The following ZFHX3 variants were observed in gnomAD, a reference collection of about 807,000 sequenced individuals.
ZFHX3 encodes the protein zinc finger homeobox 3.
A neutral mutation model predicts 279.1 loss-of-function variants in ZFHX3; 42 were observed. The observed-to-expected ratio is 0.15, with a 90% CI of 0.12 to 0.19. The LOEUF is 0.19. Among genes scored for constraint, ZFHX3 ranks in the 10% least tolerant of loss-of-function variants. The pLI is 1.00. For synonymous variants in ZFHX3, 2,293 were observed against 1,957.8 expected, an observed-to-expected ratio of 1.17 and a Z score of -4.52; for missense variants, 4,981 against 4,754.0, an observed-to-expected ratio of 1.05 and a Z score of -1.40.
rs1413516255 is a variant in ZFHX3 at position 72,786,724 on chromosome 16, A to AGAT, written c.*437_*439dup. 6.6e-6 allele frequency: 1 copy of AGAT among 152,588 alleles called. No homozygotes were observed. Among genetic ancestry groups the AGAT allele is most frequent in the Non-Finnish European group, 1.5e-5 (1 of 68,058 alleles). 9.5% of individuals were successfully genotyped at this position (152,588 alleles called of 1,614,324 possible). A position where few individuals can be genotyped will look rare whatever the true frequency, so the allele number is the denominator to read the frequency against. On this transcript the variant is annotated 3_prime_UTR_variant, in exon 10 of 10. Coordinates refer to ENST00000268489, the MANE Select transcript of ZFHX3 (RefSeq NM_006885.4). ...GCAAGCCATTGGTATCTGAATGCTA[A>AGAT]GATAGCAAGAAATTTAAAACTGTAA...
At position 72,955,932 on chromosome 16, in the gene ZFHX3, A is replaced by C. The variant is rs115225858; in HGVS notation, c.2719+1495T>G. ...TTCTAATTCCTACTGGCTTAAAGAAAACCTTAGAGTACTCACTCCCATCTC... is the reference window on the plus strand; with the variant it reads ...TTCTAATTCCTACTGGCTTAAAGAACACCTTAGAGTACTCACTCCCATCTC... On this transcript the variant is annotated intron_variant, in intron 2 of 9. Coordinates refer to ENST00000268489, the MANE Select transcript of ZFHX3 (RefSeq NM_006885.4). 2.6e-3 allele frequency among the ~76,000 whole-genome samples: 402 copies of C among 152,286 alleles called. 3 individuals are homozygous for C. Among genetic ancestry groups the C allele is most frequent in the African/African-American group, 9.4e-3 (392 of 41,546 alleles).
intron 8 of ZFHX3, among the ~76,000 whole-genome samples, chr16:73,071,460 C>G (rs946750298): frequency 1.3e-5 from 2 of 148,608 alleles, no homozygotes; most frequent in Non-Finnish European, 2.9e-5. Flanking sequence ...CTTTTCTCTG[C>G]TGCTGCTGCT....
chr16:73,084,419 T>A (rs1399948226), intron 8 of ZFHX3, among the ~76,000 whole-genome samples: 1 of 151,720 alleles, frequency 6.6e-6, no homozygotes, highest in Non-Finnish European at 1.5e-5. Context: ...CATTAAAAAA[T>A]TAGTAGCATT....
chr16:73,743,412 T>C (rs1375974086), intron 1 of ZFHX3, among the ~76,000 whole-genome samples: 1 of 152,240 alleles, frequency 6.6e-6, no homozygotes, highest in Admixed American at 6.5e-5. Context: ...TGAACGCTTA[T>C]GGAAGCATTT....
chr16:73,559,157 C>T (rs1246775195), intron 2 of ZFHX3, among the ~76,000 whole-genome samples: 1 of 152,064 alleles, frequency 6.6e-6, no homozygotes, highest in Non-Finnish European at 1.5e-5. Context: ...AAGCTATCCT[C>T]CCACCTCAGC....
At chr16:73,134,933 T>C (rs1966763322) in intron 6 of ZFHX3, among the ~76,000 whole-genome samples, 1 of 152,114 alleles carries the variant, frequency 6.6e-6, no homozygotes, top group Admixed American at 6.6e-5. Flanking sequence ...AGCTCAGGTC[T>C]CAGAATAAAG....
intron 1 of ZFHX3, among the ~76,000 whole-genome samples, chr16:73,847,906 T>G (rs1055585169): frequency 1.6e-5 from 2 of 122,032 alleles, no homozygotes; most frequent in Non-Finnish European, 3.2e-5. Context: ...CCTGGCTAGT[T>G]TTTTTTTTTT....
At chr16:72,871,180 T>C (rs1422417678) in intron 4 of ZFHX3, among the ~76,000 whole-genome samples, 1 of 152,142 alleles carries the variant, frequency 6.6e-6, no homozygotes, top group Admixed American at 6.5e-5. Flanking sequence ...ATTTTATTTA[T>C]TTATTTATTT....
chr16:73,381,144 A>G (rs1021215139), intron 3 of ZFHX3, among the ~76,000 whole-genome samples: 3 of 152,134 alleles, frequency 2.0e-5, no homozygotes, highest in African/African-American at 7.2e-5. Flanking sequence ...AAACTATAAA[A>G]TCTTATTGAA....
intron 3 of ZFHX3, among the ~76,000 whole-genome samples, chr16:73,344,445 G>A (rs1200619246): frequency 1.3e-5 from 2 of 152,196 alleles, no homozygotes; most frequent in South Asian, 4.1e-4. Flanking sequence ...ATGTGACAAC[G>A]AAAGGCAATA....
Position 72,783,588 on chromosome 16 carries a change from T to TAAAAA in ZFHX3, c.*3571_*3575dup, listed in dbSNP as rs200818294. The TAAAAA allele has an allele frequency of 6.6e-6, 1 of 150,404 alleles. No individual in the cohort carries two copies. Among genetic ancestry groups the TAAAAA allele is most frequent in the African/African-American group, 2.4e-5 (1 of 40,902 alleles). 9.3% of individuals were successfully genotyped at this position (150,404 alleles called of 1,614,324 possible). On this transcript the variant is annotated 3_prime_UTR_variant, in exon 10 of 10. Coordinates refer to ENST00000268489, the MANE Select transcript of ZFHX3 (RefSeq NM_006885.4). The stretch of plus-strand genomic sequence containing the variant: ...TTCATCTCTTTAAATAGCTTGTAAT[T>TAAAAA]AAAAAAAAAATTCCTAGATGTATTA...
intron 2 of ZFHX3, among the ~76,000 whole-genome samples, chr16:73,570,832 C>G (rs1357276748): frequency 6.6e-6 from 1 of 151,856 alleles, no homozygotes; most frequent in East Asian, 1.9e-4. Context: ...AGACTAACAT[C>G]ATGATAGGCT....
chr16:73,350,516 A>G (rs1371491971), intron 3 of ZFHX3, among the ~76,000 whole-genome samples: 1 of 151,914 alleles, frequency 6.6e-6, no homozygotes, highest in Non-Finnish European at 1.5e-5. Flanking sequence ...GATTCCCTGG[A>G]CTCCTGAGTG....
At chr16:73,781,416 G>A (rs1239184824) in intron 1 of ZFHX3, among the ~76,000 whole-genome samples, 2 of 152,120 alleles carry the variant, frequency 1.3e-5, no homozygotes, top group African/African-American at 2.4e-5. Flanking sequence ...AACCACTGGT[G>A]TAGATCATGG....
chr16:73,779,528 G>A (rs950965180), intron 1 of ZFHX3, among the ~76,000 whole-genome samples: 3 of 152,062 alleles, frequency 2.0e-5, no homozygotes, highest in African/African-American at 7.2e-5. Flanking sequence ...CATTTACCCT[G>A]CCGTGTCTGC....
At chr16:73,652,148 G>C (rs2052678072) in intron 2 of ZFHX3, among the ~76,000 whole-genome samples, 3 of 152,140 alleles carry the variant, frequency 2.0e-5, no homozygotes, top group Admixed American at 1.3e-4. Context: ...TCTGGGAAGA[G>C]CTTAGAGGGC....
chr16:73,787,867 G>A (rs892122141), intron 1 of ZFHX3, among the ~76,000 whole-genome samples: 1 of 151,908 alleles, frequency 6.6e-6, no homozygotes, highest in Non-Finnish European at 1.5e-5. Flanking sequence ...GAGAGAGAGA[G>A]AGAGAGAGAG....
At chr16:73,752,598 C>T (rs1440456172) in intron 1 of ZFHX3, among the ~76,000 whole-genome samples, 3 of 152,176 alleles carry the variant, frequency 2.0e-5, no homozygotes, top group Admixed American at 1.3e-4. Context: ...CAGGAAAACA[C>T]TCCCAGAGCT....
chr16:73,130,047 G>A (rs966143985), intron 7 of ZFHX3, among the ~76,000 whole-genome samples: 1 of 152,122 alleles, frequency 6.6e-6, no homozygotes, highest in Non-Finnish European at 1.5e-5. Context: ...TCCCAAAATT[G>A]TTTCTTAGGG....
Sources: allele counts gnomAD v4.1 joint callset (sites outside exome capture counted in the v4.1 genomes callset), GRCh38; gene constraint gnomAD v4.1.1; transcripts MANE v1.5; gene names NCBI Gene and HGNC (gene_info 2026-07-23, HGNC 2026-07-21).